The following PITPNC1 variants were observed in gnomAD, a reference collection of about 807,000 sequenced individuals.
PITPNC1 encodes the protein phosphatidylinositol transfer protein cytoplasmic 1, also known as cytoplasmic phosphatidylinositol transfer protein 1.
Under a neutral mutation model 44.7 loss-of-function variants are expected in PITPNC1, and 18 were observed. The ratio of observed to expected loss-of-function variants is 0.40; its 90% CI spans 0.28 to 0.60. The LOEUF is 0.60. PITPNC1 is among the 20% of genes least tolerant of loss of function. The probability of loss-of-function intolerance (pLI) is 0.39; values close to 1 mark genes in which losing one functional copy is unlikely to be tolerated. For missense variants in PITPNC1, 290 were observed against 418.4 expected (o/e 0.69, Z 2.68); for synonymous variants, 141 against 149.6 (o/e 0.94, Z 0.42).
intron 4 of PITPNC1, among the ~76,000 whole-genome samples, chr17:67,576,516 G>A (rs1260618318): frequency 6.6e-6 from 1 of 152,160 alleles, no homozygotes; most frequent in African/African-American, 2.4e-5. Flanking sequence ...GGCCAAGTCT[G>A]GTTTCCCCAA....
chr17:67,670,608 G>A (rs2144402715), intron 7 of PITPNC1, among the ~76,000 whole-genome samples: 1 of 151,912 alleles, frequency 6.6e-6, no homozygotes, highest in East Asian at 1.9e-4. Context: ...AAATTAGCCG[G>A]GTGTGGTGGC....
At chr17:67,452,235 T>C (rs941678045) in intron 1 of PITPNC1, among the ~76,000 whole-genome samples, 4 of 151,700 alleles carry the variant, frequency 2.6e-5, no homozygotes, top group African/African-American at 9.7e-5. Flanking sequence ...AGTCTCGAAC[T>C]CCTGAGCTCA....
At chr17:67,430,876 C>T (rs558267237) in intron 1 of PITPNC1, among the ~76,000 whole-genome samples, 1 of 151,274 alleles carries the variant, frequency 6.6e-6, no homozygotes, top group South Asian at 2.1e-4. Flanking sequence ...ATCCCTTGGG[C>T]CCAGGAAGGT....
intron 1 of PITPNC1, among the ~76,000 whole-genome samples, chr17:67,423,112 A>T (rs1227169833): frequency 1.3e-5 from 2 of 152,058 alleles, no homozygotes; most frequent in Non-Finnish European, 2.9e-5. Context: ...TTCATGGAGG[A>T]GTGCTTGCTG....
intron 8 of PITPNC1, among the ~76,000 whole-genome samples, chr17:67,684,134 C>CAA (rs373835785): frequency 7.5e-4 from 87 of 115,760 alleles, no homozygotes; most frequent in African/African-American, 2.7e-3. Context: ...TTTTTTGAGA[C>CAA]AGAGTCTTGC....
chr17:67,516,989 T>C (rs1224103579), intron 1 of PITPNC1, among the ~76,000 whole-genome samples: 1 of 80,856 alleles, frequency 1.2e-5, no homozygotes, highest in Non-Finnish European at 2.5e-5. Flanking sequence ...CCCATGCTGC[T>C]CTGTTCCTAC....
intron 1 of PITPNC1, among the ~76,000 whole-genome samples, chr17:67,416,210 T>TTTTTC (rs1289949751): frequency 7.3e-6 from 1 of 136,636 alleles, no homozygotes; most frequent in Non-Finnish European, 1.6e-5. Flanking sequence ...TTGCTTTTTT[T>TTTTTC]TTTTTTTTTT....
At chr17:67,421,079 C>G (rs964505744) in intron 1 of PITPNC1, among the ~76,000 whole-genome samples, 1 of 152,054 alleles carries the variant, frequency 6.6e-6, no homozygotes, top group Non-Finnish European at 1.5e-5. Context: ...GAGATCTCTG[C>G]GCATTCCACC....
At chr17:67,681,476 T>C (rs916258643) in intron 8 of PITPNC1, among the ~76,000 whole-genome samples, 3 of 151,698 alleles carry the variant, frequency 2.0e-5, no homozygotes, top group Admixed American at 6.6e-5. Flanking sequence ...CTGGACATGA[T>C]GGTGTGCCTG....
intron 5 of PITPNC1, among the ~76,000 whole-genome samples, chr17:67,623,081 T>C (rs1232527427): frequency 1.4e-5 from 2 of 142,544 alleles, no homozygotes; most frequent in Non-Finnish European, 3.0e-5. Context: ...TCTTCCTCAA[T>C]TGCTTCCTCC....
chr17:67,479,415 G>GTTGT (rs2039674634), intron 1 of PITPNC1, among the ~76,000 whole-genome samples: 2 of 152,138 alleles, frequency 1.3e-5, no homozygotes, highest in African/African-American at 2.4e-5. Context: ...AAGTGCCAAA[G>GTTGT]TTGTCATGGA....
At chr17:67,514,341 C>T (rs1200614777) in intron 1 of PITPNC1, among the ~76,000 whole-genome samples, 2 of 151,804 alleles carry the variant, frequency 1.3e-5, no homozygotes, top group Non-Finnish European at 2.9e-5. Context: ...CTGAGATTAC[C>T]GGCACCCACC....
chr17:67,537,570 C>T (rs2040546852), intron 2 of PITPNC1, among the ~76,000 whole-genome samples: 1 of 152,112 alleles, frequency 6.6e-6, no homozygotes, highest in Non-Finnish European at 1.5e-5. Context: ...AATAGTGAAA[C>T]ATACCATATT....
chr17:67,590,554 T>C (rs1349664931), intron 5 of PITPNC1, among the ~76,000 whole-genome samples: 4 of 152,202 alleles, frequency 2.6e-5, no homozygotes, highest in African/African-American at 7.2e-5. Context: ...GTAGTAAACA[T>C]CATTGAATGC....
At chr17:67,636,706 A>C (rs2042037532) in intron 6 of PITPNC1, among the ~76,000 whole-genome samples, 1 of 152,150 alleles carries the variant, frequency 6.6e-6, no homozygotes. Context: ...CTGCAGTCTG[A>C]ACCCACCCAA....
chr17:67,443,744 C>T (rs2039052157), intron 1 of PITPNC1, among the ~76,000 whole-genome samples: 1 of 149,818 alleles, frequency 6.7e-6, no homozygotes, highest in South Asian at 2.1e-4. Context: ...AAGCGATTCT[C>T]CTGCCTCAGC....
chr17:67,612,813 C>A (rs1417033826), intron 5 of PITPNC1: 1 of 152,300 alleles, frequency 6.6e-6, no homozygotes, highest in Non-Finnish European at 1.5e-5. Flanking sequence ...GGGATTCAAA[C>A]GTCTATCAGG....
At chr17:67,517,588 G>A (rs1489011068) in intron 1 of PITPNC1, among the ~76,000 whole-genome samples, 1 of 152,190 alleles carries the variant, frequency 6.6e-6, no homozygotes, top group Non-Finnish European at 1.5e-5. Flanking sequence ...GTAATAAAAA[G>A]GAAGTACTGA....
chr17:67,622,503 G>A (rs201097348), intron 5 of PITPNC1, among the ~76,000 whole-genome samples: 1 of 109,266 alleles, frequency 9.2e-6, no homozygotes, highest in Non-Finnish European at 2.0e-5. Context: ...CATCATTGGT[G>A]GTAGCCTGGA....
Sources: gnomAD v4.1 joint callset for allele counts (sites outside exome capture counted in the v4.1 genomes callset) on GRCh38, gnomAD v4.1.1 for gene constraint, MANE v1.5 for transcripts, NCBI Gene and HGNC (gene_info 2026-07-23, HGNC 2026-07-21) for gene names.